TWSG1: variants seen among roughly 807,000 people sequenced by gnomAD.
TWSG1 encodes twisted gastrulation BMP signaling modulator 1.
In TWSG1, 15 loss-of-function variants were observed where a neutral mutation model predicts 23.0. That is an observed-to-expected ratio of 0.65 (90% confidence interval 0.44 to 1.00). TWSG1 has a LOEUF of 1.00. Among genes scored for constraint, TWSG1 ranks in the 50% least tolerant of loss-of-function variants. The pLI is 0.00. For synonymous variants in TWSG1, 86 were observed against 92.8 expected, an observed-to-expected ratio of 0.93 and a Z score of 0.42; for missense variants, 242 against 278.7, an observed-to-expected ratio of 0.87 and a Z score of 0.94.
intron 3 of TWSG1, among the ~76,000 whole-genome samples, chr18:9,395,956 A>T (rs2040732904): frequency 6.6e-6 from 1 of 152,202 alleles, no homozygotes; most frequent in East Asian, 1.9e-4. Context: ...CCCATCATTC[A>T]TGGTGCACTT....
In TWSG1 at chr18:9,357,451, T is replaced by C. The variant is rs536782707; in HGVS notation, c.124-2521T>C. Among the ~76,000 whole-genome samples the C allele has an allele frequency of 2.6e-5, 4 of 152,222 alleles. No individual in the cohort carries two copies. In the East Asian group the frequency reaches 7.7e-4, roughly 29 times the overall value. On this transcript the variant is annotated intron_variant, in intron 2 of 4. Coordinates refer to ENST00000262120, the MANE Select transcript of TWSG1 (RefSeq NM_020648.6). ...GAATTAAAATCGGTGCTGCAAAAAA[T>C]GTCGTATTAGAATAATGGGCTGACT...
intron 2 of TWSG1, among the ~76,000 whole-genome samples, chr18:9,352,408 A>G (rs1340227709): frequency 6.6e-6 from 1 of 152,048 alleles, no homozygotes; most frequent in Non-Finnish European, 1.5e-5. Flanking sequence ...GGGTCTTTTT[A>G]TGGACCTATG....
chr18:9,367,093 C>G (rs560129147), intron 3 of TWSG1, among the ~76,000 whole-genome samples: 3 of 152,130 alleles, frequency 2.0e-5, no homozygotes, highest in African/African-American at 7.2e-5. Context: ...TACCACACCT[C>G]GCTAATTTTT....
intron 3 of TWSG1, among the ~76,000 whole-genome samples, chr18:9,394,581 T>C (rs2040726359): frequency 6.6e-6 from 1 of 152,222 alleles, no homozygotes; most frequent in Non-Finnish European, 1.5e-5. Flanking sequence ...TATTGAATGT[T>C]CCAACACAAA....
intron 3 of TWSG1, among the ~76,000 whole-genome samples, chr18:9,369,802 A>G (rs2040596271): frequency 6.6e-6 from 1 of 152,174 alleles, no homozygotes; most frequent in Non-Finnish European, 1.5e-5. Context: ...AAGCATTGGG[A>G]TTACAGGCGT....
At chr18:9,345,872 A>G (rs1308997747) in intron 2 of TWSG1, among the ~76,000 whole-genome samples, 1 of 152,202 alleles carries the variant, frequency 6.6e-6, no homozygotes, top group Non-Finnish European at 1.5e-5. Context: ...AGCAGAGAGT[A>G]TAAAGGGTTC....
At chr18:9,348,045 A>G (rs2040485335) in intron 2 of TWSG1, among the ~76,000 whole-genome samples, 1 of 152,154 alleles carries the variant, frequency 6.6e-6, no homozygotes, top group Admixed American at 6.5e-5. Context: ...AGGCAATAAA[A>G]CCTGGTTGGG....
chr18:9,375,166 CAAAAAAA>C (rs34522798), intron 3 of TWSG1, among the ~76,000 whole-genome samples: 3 of 89,750 alleles, frequency 3.3e-5, no homozygotes, highest in East Asian at 3.2e-4. Context: ...TACTCCGTCT[CAAAAAAA>C]AAAAAAAAAA....
At chr18:9,341,003 C>G (rs2040444366) in intron 2 of TWSG1, among the ~76,000 whole-genome samples, 1 of 152,162 alleles carries the variant, frequency 6.6e-6, no homozygotes, top group South Asian at 2.1e-4. Context: ...TTCCTGACTT[C>G]TCCTCCCCTT....
chr18:9,375,244 A>T (rs1429475119), intron 3 of TWSG1, among the ~76,000 whole-genome samples: 1 of 151,910 alleles, frequency 6.6e-6, no homozygotes, highest in Non-Finnish European at 1.5e-5. Flanking sequence ...AAATCACATG[A>T]TTATATCAAT....
At chr18:9,386,317 G>A (rs1157765536) in intron 3 of TWSG1, among the ~76,000 whole-genome samples, 3 of 151,702 alleles carry the variant, frequency 2.0e-5, no homozygotes, top group African/African-American at 7.3e-5. Context: ...AAAATTAGCC[G>A]GGCGTGGTAG....
intron 3 of TWSG1, among the ~76,000 whole-genome samples, chr18:9,380,527 CTT>C (rs535664016): frequency 5.4e-4 from 83 of 152,330 alleles, no homozygotes; most frequent in African/African-American, 1.9e-3. Context: ...AACTGTTACT[CTT>C]GAGCTAGTAA....
At chr18:9,361,861 C>T (rs946645836) in intron 3 of TWSG1, among the ~76,000 whole-genome samples, 1 of 152,176 alleles carries the variant, frequency 6.6e-6, no homozygotes, top group Non-Finnish European at 1.5e-5. Flanking sequence ...GGTATAACTA[C>T]CCCACAGAAT....
intron 2 of TWSG1, among the ~76,000 whole-genome samples, chr18:9,356,275 G>A (rs1476606707): frequency 1.3e-5 from 2 of 152,208 alleles, no homozygotes; most frequent in Non-Finnish European, 2.9e-5. Flanking sequence ...TTAAGAGGGT[G>A]TGAAATACAT....
At chr18:9,386,080 A>G (rs112673175) in intron 3 of TWSG1, among the ~76,000 whole-genome samples, 6,164 of 151,988 alleles carry the variant, frequency 0.041, 410 homozygotes, top group African/African-American at 0.14. Context: ...AAGACAGGAG[A>G]ATCGCTTGAT....
chr18:9,387,583 G>A (rs2040690937), intron 3 of TWSG1, among the ~76,000 whole-genome samples: 1 of 150,386 alleles, frequency 6.6e-6, no homozygotes, highest in African/African-American at 2.5e-5. Flanking sequence ...TAGTTAAAAT[G>A]GCAAAACTTC....
intron 2 of TWSG1, among the ~76,000 whole-genome samples, chr18:9,348,638 A>G (rs768387100): frequency 1.2e-4 from 19 of 152,256 alleles, no homozygotes; most frequent in Non-Finnish European, 2.5e-4. Context: ...GCACATTGAC[A>G]TTTTAGATAA....
intron 2 of TWSG1, among the ~76,000 whole-genome samples, chr18:9,344,517 G>GTGTGTGTGTA (rs1555650744): frequency 0.058 from 6,082 of 105,590 alleles, 333 homozygotes; most frequent in African/African-American, 0.14. Context: ...GTGTGTGTGT[G>GTGTGTGTGTA]TGTGTATGTA....
At chr18:9,382,808 A>G (rs2040663964) in intron 3 of TWSG1, among the ~76,000 whole-genome samples, 2 of 98,748 alleles carry the variant, frequency 2.0e-5, no homozygotes, top group African/African-American at 6.9e-5. Flanking sequence ...CTCCGTCTCA[A>G]AAAAAAAAAA....
Sources: allele counts gnomAD v4.1 joint callset (sites outside exome capture counted in the v4.1 genomes callset), GRCh38; gene constraint gnomAD v4.1.1; transcripts MANE v1.5; gene names NCBI Gene and HGNC (gene_info 2026-07-23, HGNC 2026-07-21).